MEF2A: variants seen among roughly 807,000 people sequenced by gnomAD.
The protein encoded by MEF2A is myocyte enhancer factor 2A.
In MEF2A, 28 loss-of-function variants were observed where a neutral mutation model predicts 55.8. The ratio of observed to expected loss-of-function variants is 0.50; its 90% CI spans 0.37 to 0.69. MEF2A has a LOEUF of 0.69. MEF2A is among the 30% of genes least tolerant of loss of function. The pLI is 0.00. For missense variants in MEF2A, 528 were observed against 626.2 expected (o/e 0.84, Z 1.67); for synonymous variants, 239 against 227.1 (o/e 1.05, Z -0.47).
At position 99,690,424 on chromosome 15, in the gene MEF2A, C is replaced by G. The variant is rs751751585; in HGVS notation, c.854C>G (p.Pro285Arg). The change falls in exon 8 of 12, where the codon CCA becomes CGA. Residue 285 changes from proline (P) to arginine (R), a missense_variant. Around this residue, in one of 2 missense-constraint regions of MEF2A, gnomAD observed 450 missense variants for 475.3 expected, o/e 0.95. Coordinates refer to ENST00000557942, the MANE Select transcript of MEF2A (RefSeq NM_001319206.4). ...CCTTCAAGCAAGGGCATGATGCCTC[C>G]ACTAGTAAGTTGAACCTTTCTTCAA... ...IPPSSKGMMP[P>R]LSEEEELELN... is the part of the protein sequence containing the mutation. 1 of 1,591,420 alleles carries G rather than the reference C, an allele frequency of 6.3e-7. No homozygotes were observed. Among genetic ancestry groups the G allele is most frequent in the Non-Finnish European group, 8.6e-7 (1 of 1,167,450 alleles).
intron 5 of MEF2A, among the ~76,000 whole-genome samples, chr15:99,673,793 G>C (rs2051342750): frequency 6.6e-6 from 1 of 151,554 alleles, no homozygotes; most frequent in Admixed American, 6.6e-5. Context: ...AGTTAATTTT[G>C]TTGTTTAGAT....
At chr15:99,596,807 A>G (rs1387811779) in intron 1 of MEF2A, among the ~76,000 whole-genome samples, 1 of 152,208 alleles carries the variant, frequency 6.6e-6, no homozygotes, top group Non-Finnish European at 1.5e-5. Context: ...TTGTGCACCT[A>G]ATCCATTGAG....
intron 1 of MEF2A, among the ~76,000 whole-genome samples, chr15:99,568,583 A>G (rs1960755269): frequency 6.6e-6 from 1 of 152,180 alleles, no homozygotes; most frequent in Non-Finnish European, 1.5e-5. Context: ...ATGATTTTGG[A>G]GTTTGAAATA....
At chr15:99,583,895 T>G (rs1164901775) in intron 1 of MEF2A, among the ~76,000 whole-genome samples, 1 of 152,054 alleles carries the variant, frequency 6.6e-6, no homozygotes, top group Admixed American at 6.6e-5. Context: ...ATTAGCCAAT[T>G]TTGTTACTTT....
chr15:99,568,894 A>C (rs1444393223), intron 1 of MEF2A, among the ~76,000 whole-genome samples: 1 of 152,238 alleles, frequency 6.6e-6, no homozygotes, highest in African/African-American at 2.4e-5. Flanking sequence ...TGACACTATG[A>C]GAAAACCATT....
chr15:99,708,703 G>C (rs1023112340), intron 10 of MEF2A, among the ~76,000 whole-genome samples: 1 of 152,246 alleles, frequency 6.6e-6, no homozygotes, highest in African/African-American at 2.4e-5. Context: ...GCAGTCAGCA[G>C]TGAAGCCTGG....
intron 2 of MEF2A, among the ~76,000 whole-genome samples, chr15:99,630,072 G>A (rs2042712109): frequency 2.8e-5 from 4 of 143,984 alleles, no homozygotes; most frequent in African/African-American, 1.0e-4. Flanking sequence ...CCTAAGTGTG[G>A]TTTTCTTTGT....
At chr15:99,641,358 T>C (rs2044887438) in intron 3 of MEF2A, among the ~76,000 whole-genome samples, 1 of 152,166 alleles carries the variant, frequency 6.6e-6, no homozygotes, top group Admixed American at 6.5e-5. Flanking sequence ...TCTCTTGTGA[T>C]GTAGCAGGCA....
At chr15:99,652,115 A>C (rs2046944546) in intron 4 of MEF2A, among the ~76,000 whole-genome samples, 1 of 152,174 alleles carries the variant, frequency 6.6e-6, no homozygotes, top group Admixed American at 6.5e-5. Context: ...ATGGAGATAA[A>C]GTTGCTCTAG....
At chr15:99,592,341 A>AT (rs1212369107) in intron 1 of MEF2A, among the ~76,000 whole-genome samples, 3 of 151,788 alleles carry the variant, frequency 2.0e-5, no homozygotes, top group Non-Finnish European at 4.4e-5. Flanking sequence ...GGCCTTGTGA[A>AT]TTTCACTTTA....
chr15:99,660,201 T>G (rs2048394284), intron 4 of MEF2A, among the ~76,000 whole-genome samples: 1 of 152,170 alleles, frequency 6.6e-6, no homozygotes, highest in African/African-American at 2.4e-5. Context: ...TGGGAGACTT[T>G]TTTGTTTGTT....
chr15:99,687,095 T>TC (rs2153701804), intron 7 of MEF2A, among the ~76,000 whole-genome samples: 2 of 140,492 alleles, frequency 1.4e-5, no homozygotes, highest in African/African-American at 5.2e-5. Context: ...TTTTTTTTTT[T>TC]TTTTTTTTTT....
intron 1 of MEF2A, among the ~76,000 whole-genome samples, chr15:99,572,437 C>G (rs918722531): frequency 6.6e-6 from 1 of 152,338 alleles, no homozygotes; most frequent in South Asian, 2.1e-4. Flanking sequence ...TTATTTCCTT[C>G]AAGACAATTG....
At chr15:99,678,336 T>C (rs1401433843) in intron 7 of MEF2A, among the ~76,000 whole-genome samples, 1 of 152,218 alleles carries the variant, frequency 6.6e-6, no homozygotes, top group Non-Finnish European at 1.5e-5. Context: ...CAGCATGTGC[T>C]CAATTTTTGT....
At chr15:99,692,448 C>T (rs769157352) in intron 8 of MEF2A, among the ~76,000 whole-genome samples, 2 of 152,128 alleles carry the variant, frequency 1.3e-5, no homozygotes, top group East Asian at 1.9e-4. Context: ...TGAGATTTCA[C>T]GGCAACCAAC....
At position 99,715,292 on chromosome 15, in the gene MEF2A, T is replaced by C. The variant is rs1278986643; in HGVS notation, c.*2521T>C. 1.3e-5 allele frequency: 2 copies of C among 152,346 alleles called. No individual in the cohort carries two copies. Among genetic ancestry groups the C allele is most frequent in the East Asian group, 3.9e-4 (2 of 5,190 alleles). 9.4% of individuals were successfully genotyped at this position (152,346 alleles called of 1,614,324 possible). ...GAATAGGAGTTAACACATTCACATT[T>C]ACTGTCTATTTTCTTGTGTGCCTTA... On this transcript the variant is annotated 3_prime_UTR_variant, in exon 12 of 12. Coordinates refer to ENST00000557942, the MANE Select transcript of MEF2A (RefSeq NM_001319206.4).
chr15:99,566,885 C>A (rs1959856723), intron 1 of MEF2A, among the ~76,000 whole-genome samples: 2 of 152,182 alleles, frequency 1.3e-5, no homozygotes, highest in South Asian at 2.1e-4. Context: ...GCACAGGGAA[C>A]CGCTGGCTGA....
chr15:99,597,878 T>A (rs1400185686), intron 1 of MEF2A, among the ~76,000 whole-genome samples: 1 of 152,214 alleles, frequency 6.6e-6, no homozygotes. Flanking sequence ...AGTCTTCTAT[T>A]CATTTTTGTA....
intron 10 of MEF2A, among the ~76,000 whole-genome samples, chr15:99,707,746 A>C (rs1289156401): frequency 6.6e-6 from 1 of 152,186 alleles, no homozygotes. Context: ...AGTTATTATG[A>C]TTCTCCTGAG....
Sources: allele counts gnomAD v4.1 joint callset (sites outside exome capture counted in the v4.1 genomes callset), GRCh38; gene constraint gnomAD v4.1.1; regional missense constraint gnomAD v4.1.1; transcripts MANE v1.5; gene names NCBI Gene and HGNC (gene_info 2026-07-23, HGNC 2026-07-21).